Variants in NEDD4L observed in about 807,000 individuals in gnomAD.
NEDD4L encodes NEDD4 like E3 ubiquitin protein ligase, also known as E3 ubiquitin-protein ligase NEDD4-like.
A neutral mutation model predicts 148.9 loss-of-function variants in NEDD4L; 54 were observed. That is an observed-to-expected ratio of 0.36 (90% CI 0.29 to 0.45). The LOEUF is 0.45. NEDD4L is among the 20% of genes least tolerant of loss of function. The pLI is 1.00. For synonymous variants in NEDD4L, 433 were observed against 440.7 expected, an observed-to-expected ratio of 0.98 and a Z score of 0.22; for missense variants, 856 against 1,233.8, an observed-to-expected ratio of 0.69 and a Z score of 4.59.
intron 2 of NEDD4L, among the ~76,000 whole-genome samples, chr18:58,214,475 A>G (rs965555255): frequency 3.3e-5 from 5 of 152,340 alleles, no homozygotes; most frequent in Non-Finnish European, 7.3e-5. Context: ...GATCATCTGT[A>G]GAGCAGGGAT....
Position 58,245,571 on chromosome 18 carries a change from A to T in NEDD4L, c.204+63A>T, listed in dbSNP as rs1219185535. 7.0e-6 allele frequency: 6 copies of T among 854,192 alleles called. No homozygotes were observed. In the East Asian group the frequency reaches 1.6e-4, roughly 23 times the overall value. 52.9% of individuals were successfully genotyped at this position (854,192 alleles called of 1,614,324 possible). A position where few individuals can be genotyped will look rare whatever the true frequency, so the allele number is the denominator to read the frequency against. On this transcript the variant is annotated intron_variant, in intron 3 of 30. Transcript: ENST00000400345. ...TAATTTAATCCAATTATGCACAGTC[A>T]TGTGCTGCTTAACACCTTTTTGGTC... is the stretch of plus-strand genomic sequence containing the variant.
intron 16 of NEDD4L, among the ~76,000 whole-genome samples, chr18:58,347,176 C>T (rs960665083): frequency 6.9e-6 from 1 of 145,876 alleles, no homozygotes; most frequent in African/African-American, 2.6e-5. Flanking sequence ...TGACACTTTT[C>T]TCTAATTTCA....
At chr18:58,346,938 G>T (rs2043149530) in intron 16 of NEDD4L, among the ~76,000 whole-genome samples, 1 of 151,938 alleles carries the variant, frequency 6.6e-6, no homozygotes, top group East Asian at 1.9e-4. Flanking sequence ...TCCTTGAGTG[G>T]CTCGGTGGGA....
At chr18:58,349,308 A>G (rs1279394444) in intron 16 of NEDD4L, among the ~76,000 whole-genome samples, 1 of 152,048 alleles carries the variant, frequency 6.6e-6, no homozygotes, top group African/African-American at 2.4e-5. Flanking sequence ...CCTTTCATGT[A>G]AATATTCTTA....
intron 1 of NEDD4L, among the ~76,000 whole-genome samples, chr18:58,103,255 G>GCTATATT (rs201288909): frequency 8.4e-4 from 112 of 133,942 alleles, no homozygotes; most frequent in African/African-American, 3.9e-3. Flanking sequence ...TATATATGTG[G>GCTATATT]ATATATTATA....
At chr18:58,142,976 A>G (rs1201048895) in intron 1 of NEDD4L, among the ~76,000 whole-genome samples, 1 of 152,146 alleles carries the variant, frequency 6.6e-6, no homozygotes, top group Non-Finnish European at 1.5e-5. Context: ...GCATGATTGG[A>G]TCAGTGTTGA....
intron 2 of NEDD4L, among the ~76,000 whole-genome samples, chr18:58,228,348 G>A (rs985322641): frequency 2.2e-4 from 33 of 152,318 alleles, no homozygotes; most frequent in South Asian, 8.3e-4. Context: ...TTAACGTTAC[G>A]TGCATGCCAG....
intron 1 of NEDD4L, among the ~76,000 whole-genome samples, chr18:58,100,790 T>C (rs568029): frequency 0.22 from 33,211 of 150,426 alleles, 7,049 homozygotes; most frequent in African/African-American, 0.56. Flanking sequence ...AAAGAAAGAA[T>C]GTTTTTATTT....
Position 58,391,534 on chromosome 18 carries a change from G to T in NEDD4L, c.2800G>T (p.Glu934Ter). Residue 934 changes from glutamate (E) to a stop codon, truncating the protein, a stop_gained, in exon 30 of 31, where the codon GAG becomes TAG. Transcript: ENST00000400345. LOFTEE classifies it high-confidence loss of function. ...LFTIEQWGSPEKLPRAHTCFN... is the reference protein window; with the variant it reads ...LFTIEQWGSP ...TACAATAGAGCAATGGGGCAGTCCTGAGAAACTGCCCAGAGCTCACACATG... is the reference window on the plus strand; with the variant it reads ...TACAATAGAGCAATGGGGCAGTCCTTAGAAACTGCCCAGAGCTCACACATG... The T allele has an allele frequency of 6.3e-7, 1 of 1,581,130 alleles. No individual in the cohort carries two copies. The highest frequency in any genetic ancestry group is 8.6e-7 in the Non-Finnish European group (1 of 1,162,384).
At chr18:58,122,238 G>C (rs559671508) in intron 1 of NEDD4L, among the ~76,000 whole-genome samples, 1 of 152,180 alleles carries the variant, frequency 6.6e-6, no homozygotes, top group African/African-American at 2.4e-5. Flanking sequence ...TGTGGCTCAC[G>C]CCTGTAATCC....
At chr18:58,145,489 C>T (rs1166867758) in intron 1 of NEDD4L, among the ~76,000 whole-genome samples, 1 of 152,044 alleles carries the variant, frequency 6.6e-6, no homozygotes, top group Non-Finnish European at 1.5e-5. Flanking sequence ...TAAAATACAC[C>T]AAATTGTGAG....
chr18:58,194,516 GGCCTGTTCTTGGCCTTGAA>G (rs1474741994), intron 2 of NEDD4L, among the ~76,000 whole-genome samples: 1 of 152,138 alleles, frequency 6.6e-6, no homozygotes, highest in African/African-American at 2.4e-5. Context: ...TCTTAAAAGG[GGCCTGTTCTTGGCCTTGAA>G]GTGGGAATTT....
chr18:58,179,100 G>T (rs763881430), intron 2 of NEDD4L, among the ~76,000 whole-genome samples: 4 of 152,190 alleles, frequency 2.6e-5, no homozygotes, highest in African/African-American at 7.2e-5. Flanking sequence ...ACTTGGTTAG[G>T]TGATTTTAAA....
At chr18:58,085,203 T>A (rs1239393314) in intron 1 of NEDD4L, among the ~76,000 whole-genome samples, 6 of 152,328 alleles carry the variant, frequency 3.9e-5, no homozygotes, top group East Asian at 3.9e-4. Context: ...TTCAACCCAA[T>A]GAGAACAATG....
At chr18:58,335,432 G>T (rs946963339) in intron 12 of NEDD4L, 46 bp from the exon 13 acceptor site, 1 of 1,512,956 alleles carries the variant, frequency 6.6e-7, no homozygotes, top group Non-Finnish European at 9.2e-7. Context: ...GACAGCAGGG[G>T]GTCATCCCCT....
At chr18:58,245,331 G>C (rs2047128319) in intron 2 of NEDD4L, 96 bp from the exon 3 acceptor site, 1 of 631,672 alleles carries the variant, frequency 1.6e-6, no homozygotes, top group African/African-American at 1.8e-5. Context: ...TACAAGCTGA[G>C]ACTTTAACTG....
rs141501780 is a variant in NEDD4L, at chr18:58,186,784, C to T, written c.122+20923C>T. ...AGACTCTCTTCTCATGCTCACTGCACGCCAGTCACCTGGTATGCTGAGGCC... is the reference window on the plus strand; with the variant it reads ...AGACTCTCTTCTCATGCTCACTGCATGCCAGTCACCTGGTATGCTGAGGCC... On this transcript the variant is annotated intron_variant, in intron 2 of 30. Transcript: ENST00000400345. 4.3e-3 allele frequency among the ~76,000 whole-genome samples: 661 copies of T among 152,314 alleles called. 7 individuals carry two copies. Among genetic ancestry groups the T allele is most frequent in the Admixed American group, 6.3e-3 (97 of 15,312 alleles).
chr18:58,326,286 G>A (rs2059304874), intron 9 of NEDD4L, among the ~76,000 whole-genome samples: 1 of 152,194 alleles, frequency 6.6e-6, no homozygotes, highest in African/African-American at 2.4e-5. Flanking sequence ...TCTCGTGAAT[G>A]TCAGCTGTTC....
intron 1 of NEDD4L, among the ~76,000 whole-genome samples, chr18:58,074,942 G>A (rs1200948731): frequency 6.6e-6 from 1 of 152,174 alleles, no homozygotes; most frequent in Non-Finnish European, 1.5e-5. Context: ...TGATAATTCA[G>A]GAGTGTGGAG....
Sources: allele counts gnomAD v4.1 joint callset (sites outside exome capture counted in the v4.1 genomes callset), GRCh38; gene constraint gnomAD v4.1.1; transcripts MANE v1.5; gene names NCBI Gene and HGNC (gene_info 2026-07-23, HGNC 2026-07-21).